Variants in MBD5 observed in about 807,000 individuals in gnomAD.
MBD5 encodes methyl-CpG binding domain protein 5.
A neutral mutation model predicts 117.3 loss-of-function variants in MBD5; 13 were observed. The ratio of observed to expected loss-of-function variants is 0.11; its 90% CI spans 0.07 to 0.18. MBD5 has a LOEUF of 0.18. Ranked by LOEUF, MBD5 falls within the 10% of genes least tolerant of loss-of-function variation. MBD5 has a pLI of 1.00. For synonymous variants in MBD5, 727 were observed against 766.4 expected (o/e 0.95, Z 0.85); for missense variants, 1,879 against 2,093.8 (o/e 0.90, Z 2.00).
At chr2:148,113,932 T>C (rs980732803) in intron 1 of MBD5, among the ~76,000 whole-genome samples, 2 of 152,192 alleles carry the variant, frequency 1.3e-5, no homozygotes, top group African/African-American at 4.8e-5. Flanking sequence ...TATTGTTACC[T>C]GATTCTTTTC....
intron 4 of MBD5, among the ~76,000 whole-genome samples, chr2:148,430,979 C>A (rs1485408356): frequency 1.3e-5 from 2 of 152,044 alleles, no homozygotes; most frequent in Non-Finnish European, 1.5e-5. Context: ...TTTATACTGG[C>A]TTTTTATGAG....
intron 2 of MBD5, among the ~76,000 whole-genome samples, chr2:148,211,337 G>T (rs1699417465): frequency 1.3e-5 from 2 of 152,056 alleles, no homozygotes; most frequent in Non-Finnish European, 2.9e-5. Flanking sequence ...TGATCCTATT[G>T]TAGTAGCTTT....
At chr2:148,479,248 A>T (rs1269657041) in intron 8 of MBD5, among the ~76,000 whole-genome samples, 2 of 152,172 alleles carry the variant, frequency 1.3e-5, no homozygotes, top group African/African-American at 4.8e-5. Flanking sequence ...CTTCTTAGGT[A>T]ATTTGTCATC....
At chr2:148,314,497 C>T (rs894621660) in intron 3 of MBD5, among the ~76,000 whole-genome samples, 24 of 151,010 alleles carry the variant, frequency 1.6e-4, no homozygotes, top group Non-Finnish European at 5.9e-5. Flanking sequence ...CCTATCTCAG[C>T]CCCCCAGGTA....
At chr2:148,294,515 T>TTTTTTTTTTTTTGTTTTTTTATTTTC (rs1701600822) in intron 3 of MBD5, among the ~76,000 whole-genome samples, 1 of 64,612 alleles carries the variant, frequency 1.5e-5, no homozygotes, top group Admixed American at 1.8e-4. Flanking sequence ...TTTTTTTTTT[T>TTTTTTTTTTTTTGTTTTTTTATTTTC]TTTTTTGAGA....
intron 3 of MBD5, among the ~76,000 whole-genome samples, chr2:148,322,375 A>G (rs1391765309): frequency 6.6e-6 from 1 of 152,102 alleles, no homozygotes; most frequent in African/African-American, 2.4e-5. Context: ...TGTATTTTTC[A>G]TTTTTCTATT....
chr2:148,252,200 C>T (rs1007009398), intron 3 of MBD5, among the ~76,000 whole-genome samples: 1 of 152,128 alleles, frequency 6.6e-6, no homozygotes, highest in African/African-American at 2.4e-5. Context: ...CGGTGACTCA[C>T]GCCTGTAATC....
intron 3 of MBD5, among the ~76,000 whole-genome samples, chr2:148,292,269 T>C (rs781769000): frequency 2.4e-4 from 36 of 152,112 alleles, no homozygotes; most frequent in Non-Finnish European, 4.6e-4. Flanking sequence ...GTCAAGAAAG[T>C]GAAGAGACAA....
chr2:148,057,111 C>G, intron 1 of MBD5, among the ~76,000 whole-genome samples: 1 of 151,446 alleles, frequency 6.6e-6, no homozygotes, highest in East Asian at 1.9e-4. Context: ...CTCGAATAAC[C>G]CTGTAATAAG....
rs115182258 is a variant in MBD5 at position 148,194,955 on chromosome 2, G to A, written c.-831+16162G>A. 7.7e-3 allele frequency among the ~76,000 whole-genome samples: 1,171 copies of A among 152,158 alleles called. 15 individuals are homozygous for A. The highest frequency in any genetic ancestry group is 8.6e-3 in the Non-Finnish European group (585 of 67,986). On this transcript the variant is annotated intron_variant, in intron 2 of 13. Coordinates refer to ENST00000642680, the MANE Select transcript of MBD5 (RefSeq NM_001378120.1). ...AACCCAATAAACAACTCCAGGGGTT[G>A]GCAAACTTTTTATTAAAAGGACACA... is the stretch of plus-strand genomic sequence containing the variant.
intron 1 of MBD5, chr2:148,044,997 G>T (rs1694476359): frequency 6.6e-6 from 1 of 152,022 alleles, no homozygotes; most frequent in Non-Finnish European, 1.5e-5. Context: ...TCAATTTCTT[G>T]GTTCCCTTTG....
chr2:148,099,378 A>G lies in MBD5; in HGVS notation c.-925+77694A>G, dbSNP rs189643430. Among the ~76,000 whole-genome samples the G allele has an allele frequency of 2.0e-3, 303 of 152,262 alleles. 1 individual carries two copies. The highest frequency in any genetic ancestry group is 3.1e-3 in the African/African-American group (127 of 41,574). On this transcript the variant is annotated intron_variant, in intron 1 of 13. Coordinates refer to ENST00000642680, the MANE Select transcript of MBD5 (RefSeq NM_001378120.1). ...TTCATGAATGTGTTTATATATTTTT[A>G]TAATAATATTGTTATTTCTTATAGT...
At chr2:148,394,899 T>C (rs545569730) in intron 4 of MBD5, among the ~76,000 whole-genome samples, 9 of 152,324 alleles carry the variant, frequency 5.9e-5, no homozygotes, top group East Asian at 3.9e-4. Context: ...TCTTACTTTC[T>C]TCCTAAGATC....
At position 148,225,255 on chromosome 2, in the gene MBD5, A is replaced by G. The variant is rs536953268; in HGVS notation, c.-830-7990A>G. Among the ~76,000 whole-genome samples the G allele has an allele frequency of 1.1e-4, 16 of 152,284 alleles. 1 individual carries two copies. The East Asian group carries it at 2.7e-3, about 26-fold the overall frequency. Reference sequence around the variant, plus strand: ...GGTTACCAAGAGGTTTGCAAATACTATCTTATAACCCATTATTTTAAGCTG... The same window carrying G: ...GGTTACCAAGAGGTTTGCAAATACTGTCTTATAACCCATTATTTTAAGCTG... On this transcript the variant is annotated intron_variant, in intron 2 of 13. Transcript: ENST00000642680.
intron 1 of MBD5, among the ~76,000 whole-genome samples, chr2:148,058,488 AT>A (rs905097539): frequency 2.7e-5 from 4 of 150,786 alleles, no homozygotes; most frequent in Non-Finnish European, 5.9e-5. Flanking sequence ...TAATAGGTGA[AT>A]TTTTTTTTGG....
chr2:148,131,455 G>T (rs1443849254), intron 1 of MBD5, among the ~76,000 whole-genome samples: 4 of 152,036 alleles, frequency 2.6e-5, no homozygotes, highest in African/African-American at 9.7e-5. Flanking sequence ...GCACTTTGGG[G>T]GGCCGAGGTA....
chr2:148,251,101 T>TTTAAAATAAAAA (rs1421495675), intron 3 of MBD5, among the ~76,000 whole-genome samples: 1 of 152,142 alleles, frequency 6.6e-6, no homozygotes, highest in Non-Finnish European at 1.5e-5. Flanking sequence ...TAAATATTCT[T>TTTAAAATAAAAA]TTAAAATAAA....
intron 4 of MBD5, among the ~76,000 whole-genome samples, chr2:148,423,878 A>T (rs1175346025): frequency 6.6e-6 from 1 of 152,078 alleles, no homozygotes; most frequent in Non-Finnish European, 1.5e-5. Flanking sequence ...AATGGAAAGC[A>T]ATAAAAAGCA....
intron 2 of MBD5, among the ~76,000 whole-genome samples, chr2:148,231,170 T>G (rs1386344413): frequency 6.7e-6 from 1 of 149,060 alleles, no homozygotes; most frequent in Admixed American, 6.7e-5. Context: ...CCAGTTTATT[T>G]TGGGCCACAG....
Sources: gnomAD v4.1 joint callset for allele counts (sites outside exome capture counted in the v4.1 genomes callset) on GRCh38, gnomAD v4.1.1 for gene constraint, MANE v1.5 for transcripts, NCBI Gene and HGNC (gene_info 2026-07-23, HGNC 2026-07-21) for gene names.